The following NLGN4Y variants were observed in gnomAD, a reference collection of about 807,000 sequenced individuals.
NLGN4Y encodes the protein neuroligin-4, Y-linked.
NLGN4Y carries 4 observed loss-of-function variants against 8.4 expected under a neutral mutation model. The ratio of observed to expected loss-of-function variants is 0.48; its 90% CI spans 0.23 to 1.09. NLGN4Y has a LOEUF of 1.09. NLGN4Y is among the 50% of genes least tolerant of loss of function. The pLI, the probability that NLGN4Y is intolerant of heterozygous loss-of-function variation, is 0.19. For synonymous variants in NLGN4Y, 35 were observed against 75.6 expected (o/e 0.46, Z 2.78); for missense variants, 90 against 192.3 (o/e 0.47, Z 3.15).
chrY:14,707,079 T>A (rs2080882216), intron 2 of NLGN4Y, among the ~76,000 whole-genome samples: 1 of 9,192 alleles, frequency 1.1e-4, no homozygotes, highest in Non-Finnish European at 2.3e-4. Flanking sequence ...CAATTAAAAG[T>A]CAATTTTATG....
At chrY:14,762,317 T>TA in intron 4 of NLGN4Y, among the ~76,000 whole-genome samples, 1 of 34,600 alleles carries the variant, frequency 2.9e-5, no homozygotes, top group East Asian at 7.5e-4. Flanking sequence ...TTAAATTACT[T>TA]ACATGAATTT....
At chrY:14,733,269 G>A (rs980999831) in intron 4 of NLGN4Y, among the ~76,000 whole-genome samples, 9 of 33,504 alleles carry the variant, frequency 2.7e-4, no homozygotes, top group Non-Finnish European at 4.4e-4. Context: ...TATGTGAAAA[G>A]ATATTTCTGC....
Position 14,824,386 on chromosome Y carries a change from TC to T in NLGN4Y, c.871+17del, listed in dbSNP as rs1471509995. On this transcript the variant is annotated intron_variant, in intron 5 of 6. Transcript: ENST00000684976. ...CACTACTCAGAAGGTAATAATGGTG[TC>T]CCCGGGGTGGGTGGGCAAATGCCCT... The T allele has an allele frequency of 1.8e-5, 7 of 396,572 alleles. No individual in the cohort carries two copies. The highest frequency in any genetic ancestry group is 2.5e-5 in the Non-Finnish European group (7 of 281,827).
intron 1 of NLGN4Y, among the ~76,000 whole-genome samples, chrY:14,545,001 A>G: frequency 3.2e-4 from 9 of 27,843 alleles, no homozygotes; most frequent in African/African-American, 1.5e-4. Context: ...TCACTGTTCA[A>G]TTCCCACCTA....
At chrY:14,717,487 G>C (rs894718320) in intron 2 of NLGN4Y, among the ~76,000 whole-genome samples, 1 of 31,217 alleles carries the variant, frequency 3.2e-5, no homozygotes, top group African/African-American at 1.3e-4. Context: ...CCATGAGGTG[G>C]ATGGAGGTTG....
At chrY:14,769,230 C>T (rs2081100462) in intron 4 of NLGN4Y, among the ~76,000 whole-genome samples, 1 of 33,638 alleles carries the variant, frequency 3.0e-5, no homozygotes, top group South Asian at 6.6e-4. Flanking sequence ...CACTTTCCTA[C>T]CCAATATGGA....
chrY:14,746,970 T>TG (rs2081026396), intron 4 of NLGN4Y, among the ~76,000 whole-genome samples: 1 of 31,611 alleles, frequency 3.2e-5, no homozygotes, highest in African/African-American at 1.2e-4. Context: ...ATGCAGAGTA[T>TG]GGCTCACCAG....
At chrY:14,594,386 C>T in intron 1 of NLGN4Y, among the ~76,000 whole-genome samples, 1 of 33,051 alleles carries the variant, frequency 3.0e-5, no homozygotes, top group Non-Finnish European at 7.4e-5. Flanking sequence ...CGTAGTAAAC[C>T]GCACTGATAA....
chrY:14,817,705 TA>T (rs2043107224), intron 4 of NLGN4Y, among the ~76,000 whole-genome samples: 1 of 33,135 alleles, frequency 3.0e-5, no homozygotes, highest in Non-Finnish European at 7.4e-5. Flanking sequence ...GGGCTATCCC[TA>T]AATGCTTGAG....
intron 4 of NLGN4Y, among the ~76,000 whole-genome samples, chrY:14,762,440 A>G (rs746409917): frequency 8.6e-3 from 294 of 34,077 alleles, no homozygotes; most frequent in Middle Eastern, 0.027. Context: ...AGTGCAGTTG[A>G]CTGCATTTGT....
chrY:14,732,324 G>A, intron 4 of NLGN4Y, among the ~76,000 whole-genome samples: 1 of 33,183 alleles, frequency 3.0e-5, no homozygotes, highest in South Asian at 6.9e-4. Context: ...AGCTAAATGC[G>A]ACTCAGGAAC....
intron 1 of NLGN4Y, among the ~76,000 whole-genome samples, chrY:14,586,267 T>C: frequency 3.0e-5 from 1 of 33,480 alleles, no homozygotes; most frequent in East Asian, 7.9e-4. Context: ...TTCTGCACTG[T>C]AAGAAGCACA....
intron 2 of NLGN4Y, among the ~76,000 whole-genome samples, chrY:14,626,635 C>T (rs2080528847): frequency 3.0e-5 from 1 of 33,630 alleles, no homozygotes; most frequent in African/African-American, 1.2e-4. Context: ...AGCAGATTGG[C>T]GCTGTGTGCT....
intron 6 of NLGN4Y, among the ~76,000 whole-genome samples, chrY:14,832,560 C>A (rs2043183367): frequency 2.9e-5 from 1 of 33,907 alleles, no homozygotes; most frequent in African/African-American, 1.2e-4. Flanking sequence ...TGCCTGTAAC[C>A]CCAGCACTTT....
chrY:14,619,387 A>C (rs773035886), intron 1 of NLGN4Y, among the ~76,000 whole-genome samples: 1 of 34,317 alleles, frequency 2.9e-5, no homozygotes, highest in Non-Finnish European at 7.3e-5. Context: ...TAGTATGTGA[A>C]ATTCCAAATA....
chrY:14,713,250 C>T, intron 2 of NLGN4Y, among the ~76,000 whole-genome samples: 2 of 33,341 alleles, frequency 6.0e-5, no homozygotes, highest in Non-Finnish European at 1.5e-4. Context: ...TGGCTATTTC[C>T]TTATATTCTT....
chrY:14,638,050 G>A, intron 2 of NLGN4Y, among the ~76,000 whole-genome samples: 1 of 32,020 alleles, frequency 3.1e-5, no homozygotes, highest in African/African-American at 1.2e-4. Context: ...TATACTTTAA[G>A]TTATGGGATC....
At chrY:14,753,705 T>C in intron 4 of NLGN4Y, among the ~76,000 whole-genome samples, 1 of 31,835 alleles carries the variant, frequency 3.1e-5, no homozygotes, top group African/African-American at 1.2e-4. Context: ...TATATTCATA[T>C]GCTTTTCACG....
At chrY:14,604,398 T>C in intron 1 of NLGN4Y, among the ~76,000 whole-genome samples, 2 of 33,604 alleles carry the variant, frequency 6.0e-5, no homozygotes, top group African/African-American at 1.2e-4. Flanking sequence ...TGCTTTGCTG[T>C]TGTCTTATTT....
Sources: gnomAD v4.1 joint callset for allele counts (sites outside exome capture counted in the v4.1 genomes callset) on GRCh38, gnomAD v4.1.1 for gene constraint, MANE v1.5 for transcripts, NCBI Gene and HGNC (gene_info 2026-07-23, HGNC 2026-07-21) for gene names.